The following BRSK1 variants were observed in gnomAD, a reference collection of about 807,000 sequenced individuals.
The protein encoded by BRSK1 is BR serine/threonine kinase 1, also known as serine/threonine-protein kinase BRSK1.
BRSK1 carries 17 observed loss-of-function variants against 86.2 expected under a neutral mutation model. The ratio of observed to expected loss-of-function variants is 0.20; its 90% CI spans 0.14 to 0.30. BRSK1 has a LOEUF of 0.30. BRSK1 is among the 10% of genes least tolerant of loss of function. The pLI is 1.00. For missense variants in BRSK1, 719 were observed against 1,071.9 expected (o/e 0.67, Z 4.60); for synonymous variants, 464 against 440.1 (o/e 1.05, Z -0.68).
chr19:55,298,406 A>G (rs185920252), intron 7 of BRSK1, among the ~76,000 whole-genome samples: 20 of 151,710 alleles, frequency 1.3e-4, no homozygotes, highest in Admixed American at 1.3e-3. Context: ...TCCTGACCTC[A>G]AGTGATCTGC....
chr19:55,301,409 G>C, intron 7 of BRSK1, 103 bp from the exon 8 acceptor site: 1 of 1,420,622 alleles, frequency 7.0e-7, no homozygotes, highest in Non-Finnish European at 9.4e-7. Flanking sequence ...CTGTGCCTCA[G>C]TTTCCAACCC....
chr19:55,303,500 G>C lies in BRSK1; in HGVS notation c.1126+92G>C. The C allele has an allele frequency of 6.7e-7, 1 of 1,495,530 alleles. No individual in the cohort carries two copies. The highest frequency in any genetic ancestry group is 1.4e-5 in the African/African-American group (1 of 72,114). The allele number at this position is 1,495,530 out of a possible 1,614,324, so 92.6% of individuals were successfully genotyped here. On this transcript the variant is annotated intron_variant, in intron 11 of 18. Transcript: ENST00000309383. The surrounding 1 kb of genome is among the most constrained non-coding windows in gnomAD (Gnocchi z 5.1). ...CCCCAGATTCCCAAGGAAAGAAGGG[G>C]CTGCAGGCTCTGAGCTTCCAGCTTT...
chr19:55,310,807 G>A lies in BRSK1; in HGVS notation c.2180-1104G>A, dbSNP rs2088771329. On this transcript the variant is annotated intron_variant, in intron 18 of 18. Transcript: ENST00000309383. The surrounding 1 kb of genome is among the most constrained non-coding windows in gnomAD (Gnocchi z 5.0). ...CTGGACCCCGTTGCCGAGGAAAGCT[G>A]GCCTCAGCAACCAGGGGTCTCAAAA... 1.3e-5 allele frequency among the ~76,000 whole-genome samples: 2 copies of A among 152,112 alleles called. No individual in the cohort carries two copies. Among genetic ancestry groups the A allele is most frequent in the South Asian group, 4.1e-4 (2 of 4,832 alleles).
Position 55,302,650 on chromosome 19 carries a change from T to C in BRSK1, c.858-47T>C, listed in dbSNP as rs756706326. On this transcript the variant is annotated intron_variant, in intron 9 of 18. Coordinates refer to ENST00000309383, the MANE Select transcript of BRSK1 (RefSeq NM_032430.2). The surrounding 1 kb of genome is among the most constrained non-coding windows in gnomAD (Gnocchi z 6.3). ...TCATTGAGTCTAGAATGAAGAATGC[T>C]GAATCTCAGAAGCCCGGTTCCCAAT... 12 of 1,573,934 alleles carry C rather than the reference T, an allele frequency of 7.6e-6. No individual in the cohort carries two copies. Among genetic ancestry groups the C allele is most frequent in the Non-Finnish European group, 1.0e-5 (12 of 1,156,204 alleles).
intron 17 of BRSK1, among the ~76,000 whole-genome samples, chr19:55,307,655 C>T (rs2088675919): frequency 6.6e-6 from 1 of 150,786 alleles, no homozygotes; most frequent in South Asian, 2.1e-4. Context: ...CTTTGGGAAG[C>T]CGAGGTGGGA....
In BRSK1 at chr19:55,302,272, G is replaced by A; in HGVS notation, c.857+104G>A. 2 of 1,360,820 alleles carry A rather than the reference G, an allele frequency of 1.5e-6. No individual in the cohort carries two copies. The highest frequency in any genetic ancestry group is 2.1e-6 in the Non-Finnish European group (2 of 950,746). 84.3% of individuals were successfully genotyped at this position (1,360,820 alleles called of 1,614,324 possible). ...GGTGGGATGCCAGGGTTCCTGAGAG[G>A]CAACGGGCTAGGGACTCGGACTTAT... is the stretch of plus-strand genomic sequence containing the variant. On this transcript the variant is annotated intron_variant, in intron 9 of 18. Coordinates refer to ENST00000309383, the MANE Select transcript of BRSK1 (RefSeq NM_032430.2). The surrounding 1 kb of genome is among the most constrained non-coding windows in gnomAD (Gnocchi z 6.3).
Position 55,304,136 on chromosome 19 carries a change from T to C in BRSK1, c.1347+26T>C. 6.2e-7 allele frequency: 1 copy of C among 1,605,204 alleles called. No homozygotes were observed. Among genetic ancestry groups the C allele is most frequent in the Non-Finnish European group, 8.5e-7 (1 of 1,175,656 alleles). ...GTAAGGCCAGGTCCCCAGTGGGATT[T>C]AAGAAGGAGAAAGGGGTGGAGACAT... On this transcript the variant is annotated intron_variant, in intron 13 of 18. Coordinates refer to ENST00000309383, the MANE Select transcript of BRSK1 (RefSeq NM_032430.2). This position sits in a 1 kb window ranked among gnomAD's most constrained non-coding sequence, Gnocchi z 5.2.
intron 3 of BRSK1, among the ~76,000 whole-genome samples, chr19:55,288,562 G>A (rs534056472): frequency 6.6e-6 from 1 of 151,630 alleles, no homozygotes; most frequent in Non-Finnish European, 1.5e-5. Context: ...AGAGGCTTAT[G>A]GGAAGGGAGT....
intron 4 of BRSK1, among the ~76,000 whole-genome samples, chr19:55,292,473 C>T (rs1301869857): frequency 6.6e-6 from 1 of 152,068 alleles, no homozygotes; most frequent in Non-Finnish European, 1.5e-5. Flanking sequence ...TGAAGCTGGG[C>T]GATGGGTAAG....
Position 55,284,340 on chromosome 19 carries a change from G to C in BRSK1, c.-103G>C. On this transcript the variant is annotated 5_prime_UTR_variant, in exon 1 of 19. Coordinates refer to ENST00000309383, the MANE Select transcript of BRSK1 (RefSeq NM_032430.2). ...ACCCCCGGAGAGGTGGGGGGCAGCC[G>C]GGGGGGCCGGGACGGAGCGGTCGCC... 3.5e-6 allele frequency: 3 copies of C among 848,630 alleles called. No homozygotes were observed. The highest frequency in any genetic ancestry group is 4.7e-6 in the Non-Finnish European group (3 of 637,710). 52.6% of individuals were successfully genotyped at this position (848,630 alleles called of 1,614,324 possible). A position where few individuals can be genotyped will look rare whatever the true frequency, so the allele number is the denominator to read the frequency against.
chr19:55,309,087 TC>T (rs2123002791), intron 18 of BRSK1, among the ~76,000 whole-genome samples: 1 of 152,146 alleles, frequency 6.6e-6, no homozygotes, highest in South Asian at 2.1e-4. Flanking sequence ...CAACAGAGGT[TC>T]TGGACCTCTG....
Position 55,306,270 on chromosome 19 carries a change from A to G in BRSK1, c.1909A>G (p.Ser637Gly). 1 of 1,614,034 alleles carries G rather than the reference A, an allele frequency of 6.2e-7. No homozygotes were observed. Among genetic ancestry groups the G allele is most frequent in the Non-Finnish European group, 8.5e-7 (1 of 1,180,038 alleles). ...AFLSIPSLSH[S>G]VLSQTSFRAE... is the part of the protein sequence containing the mutation. ...CGCTCAGATCCCCAGCCTGAGTCAC[A>G]GTGTGCTGTCACAGACCAGCTTCAG... Residue 637 changes from serine (S) to glycine (G), a missense_variant, in exon 17 of 19, where the codon AGT (serine) becomes GGT (glycine). By Grantham distance (56) the Ser-to-Gly change is moderately conservative (BLOSUM62 0). This residue lies in a region of BRSK1 where 180 missense variants were observed against 259.4 expected (regional missense o/e 0.69). Coordinates refer to ENST00000309383, the MANE Select transcript of BRSK1 (RefSeq NM_032430.2). The surrounding 1 kb of genome is among the most constrained non-coding windows in gnomAD (Gnocchi z 4.7).
At chr19:55,305,658 C>G in intron 16 of BRSK1, 72 bp downstream of exon 16, 1 of 1,605,052 alleles carries the variant, frequency 6.2e-7, no homozygotes, top group Non-Finnish European at 8.5e-7. Context: ...TGGGGCTAAC[C>G]ACCTTAGCAT....
At chr19:55,286,225 A>G (rs1423288663) in intron 1 of BRSK1, among the ~76,000 whole-genome samples, 1 of 80,072 alleles carries the variant, frequency 1.2e-5, no homozygotes, top group Non-Finnish European at 2.5e-5. Flanking sequence ...GGAGGATGGA[A>G]TGGGGGCCTG....
At chr19:55,301,917 G>A (rs2088575662) in intron 8 of BRSK1, 1 of 780,318 alleles carries the variant, frequency 1.3e-6, no homozygotes, top group Admixed American at 2.0e-5. Flanking sequence ...CACTGCGCAT[G>A]CGGCAAAGTA....
At chr19:55,308,390 G>C (rs1398663398) in intron 17 of BRSK1, among the ~76,000 whole-genome samples, 2 of 106,372 alleles carry the variant, frequency 1.9e-5, no homozygotes, top group Non-Finnish European at 3.6e-5. Flanking sequence ...GCAAGCAATA[G>C]TATCTATTTG....
In BRSK1 at chr19:55,304,197, G is replaced by A; in HGVS notation, c.1347+87G>A. ...TTGAGTAGCAGAAACTACAATTCCT[G>A]TGCAGTCTTGAGACTTGCTTCTTTG... On this transcript the variant is annotated intron_variant, in intron 13 of 18. Transcript: ENST00000309383. This position sits in a 1 kb window ranked among gnomAD's most constrained non-coding sequence, Gnocchi z 5.2. The A allele has an allele frequency of 7.4e-7, 1 of 1,356,184 alleles. No individual in the cohort carries two copies. Among genetic ancestry groups the A allele is most frequent in the Non-Finnish European group, 1.0e-6 (1 of 984,734 alleles). 84.0% of individuals were successfully genotyped at this position (1,356,184 alleles called of 1,614,324 possible).
Position 55,302,850 on chromosome 19 carries a change from C to T in BRSK1, c.1011C>T (p.Arg337=), listed in dbSNP as rs773610849. ...TCAGGGACCGCGAGAGGCTGCATCG[C>T]GAGCTGCGCAGTGAGGAGTAAGACC... ...GCFRDRERLH[R]ELRSEEENQE... is the part of the protein sequence containing the mutation. The change falls in exon 10 of 19, where the codon CGC becomes CGT. Residue 337 remains arginine, a synonymous_variant. Coordinates refer to ENST00000309383, the MANE Select transcript of BRSK1 (RefSeq NM_032430.2). The surrounding 1 kb of genome is among the most constrained non-coding windows in gnomAD (Gnocchi z 6.3). The T allele has an allele frequency of 4.3e-6, 7 of 1,613,434 alleles. No homozygotes were observed. The highest frequency in any genetic ancestry group is 1.7e-4 in the Middle Eastern group (1 of 6,028).
rs756225352 is a variant in BRSK1, at chr19:55,305,453, T to TGG, written c.1767-10_1767-9insGG. ...TCCTAACCCTCCTCCAACCACCCCCTCCCACTCAGGCTGGCAAAACGCTCC... is the reference window on the plus strand; with the variant it reads ...TCCTAACCCTCCTCCAACCACCCCCTGGCCCACTCAGGCTGGCAAAACGCTCC... On this transcript the variant is annotated splice_polypyrimidine_tract_variant and intron_variant, in intron 15 of 18. Coordinates refer to ENST00000309383, the MANE Select transcript of BRSK1 (RefSeq NM_032430.2). The TGG allele has an allele frequency of 6.2e-7, 1 of 1,614,024 alleles. No homozygotes were observed. The highest frequency in any genetic ancestry group is 1.7e-5 in the Admixed American group (1 of 60,010).
Sources: gnomAD v4.1 joint callset for allele counts (sites outside exome capture counted in the v4.1 genomes callset) on GRCh38, gnomAD v4.1.1 for gene constraint, gnomAD v4.1.1 regional missense constraint, Gnocchi (gnomAD v3.1) non-coding constraint, MANE v1.5 for transcripts, NCBI Gene and HGNC (gene_info 2026-07-23, HGNC 2026-07-21) for gene names.